The following PTPRN2 variants were observed in gnomAD, a reference collection of about 807,000 sequenced individuals.
PTPRN2 encodes the protein protein tyrosine phosphatase receptor type N2, also known as receptor-type tyrosine-protein phosphatase N2.
Under a neutral mutation model 118.8 loss-of-function variants are expected in PTPRN2, and 74 were observed. The ratio of observed to expected loss-of-function variants is 0.62; its 90% CI spans 0.52 to 0.76. The LOEUF is 0.76. Ranked by LOEUF, PTPRN2 falls within the 30% of genes least tolerant of loss-of-function variation. The pLI is 0.00. For synonymous variants in PTPRN2, 641 were observed against 608.0 expected (o/e 1.05, Z -0.80); for missense variants, 1,481 against 1,394.4 (o/e 1.06, Z -0.99).
chr7:157,586,231 A>G (rs1328753560), intron 17 of PTPRN2, among the ~76,000 whole-genome samples: 2 of 152,140 alleles, frequency 1.3e-5, no homozygotes, highest in African/African-American at 2.4e-5. Context: ...CACAACTCTC[A>G]TGCTTCCCTT....
intron 2 of PTPRN2, among the ~76,000 whole-genome samples, chr7:158,349,990 G>T (rs1807808201): frequency 6.6e-6 from 1 of 152,142 alleles, no homozygotes; most frequent in Non-Finnish European, 1.5e-5. Flanking sequence ...TGCAGACTAG[G>T]TCACAGGATA....
At chr7:157,752,653 G>A (rs1228268679) in intron 12 of PTPRN2, among the ~76,000 whole-genome samples, 3 of 152,170 alleles carry the variant, frequency 2.0e-5, no homozygotes, top group Non-Finnish European at 2.9e-5. Flanking sequence ...CCACCTCCAG[G>A]TACAGAGGCC....
intron 6 of PTPRN2, among the ~76,000 whole-genome samples, chr7:158,147,794 C>A (rs1402205500): frequency 2.6e-5 from 3 of 117,548 alleles, no homozygotes; most frequent in African/African-American, 3.7e-5. Flanking sequence ...CCCTCACTGA[C>A]ACCCCATTTC....
At chr7:157,982,410 A>G (rs542361914) in intron 11 of PTPRN2, among the ~76,000 whole-genome samples, 6 of 132,048 alleles carry the variant, frequency 4.5e-5, no homozygotes, top group African/African-American at 1.4e-4. Context: ...TCCCCCCTAA[A>G]CCCCAAGTCA....
chr7:158,227,101 G>C (rs1313697210), intron 3 of PTPRN2, among the ~76,000 whole-genome samples: 1 of 152,110 alleles, frequency 6.6e-6, no homozygotes, highest in African/African-American at 2.4e-5. Context: ...AGTGCACTGT[G>C]CGTGGATAAA....
intron 12 of PTPRN2, among the ~76,000 whole-genome samples, chr7:157,859,747 C>T (rs866564247): frequency 5.4e-5 from 5 of 93,200 alleles, no homozygotes; most frequent in Non-Finnish European, 8.6e-5. Context: ...AGAGCCCCGG[C>T]CACCACCCAC....
chr7:157,548,235 A>C (rs561376587), intron 22 of PTPRN2, among the ~76,000 whole-genome samples: 1 of 152,156 alleles, frequency 6.6e-6, no homozygotes, highest in African/African-American at 2.4e-5. Context: ...CAACAACAAC[A>C]AACAAACAAC....
chr7:157,685,587 C>G (rs1027291010), intron 12 of PTPRN2, among the ~76,000 whole-genome samples: 1 of 151,936 alleles, frequency 6.6e-6, no homozygotes, highest in African/African-American at 2.4e-5. Flanking sequence ...GGTCTGCGGG[C>G]GGCAGGAGGG....
chr7:157,707,960 C>CA lies in PTPRN2; in HGVS notation c.1789-25024dup, dbSNP rs1246395259. Among the ~76,000 whole-genome samples, 7 of 152,378 alleles carry CA rather than the reference C, an allele frequency of 4.6e-5. 1 individual carries two copies. The East Asian group carries it at 1.4e-3, about 29-fold the overall frequency. ...AGTTAACATTTCTAGTTTTAACTCTCAAAAATAAAGTCCTTGTGGATTTTA... is the reference window on the plus strand; with the variant it reads ...AGTTAACATTTCTAGTTTTAACTCTCAAAAAATAAAGTCCTTGTGGATTTTA... On this transcript the variant is annotated intron_variant, in intron 12 of 22. Coordinates refer to ENST00000389418, the MANE Select transcript of PTPRN2 (RefSeq NM_002847.5).
At chr7:157,569,650 ATT>A (rs1799663537) in intron 20 of PTPRN2, among the ~76,000 whole-genome samples, 1 of 152,194 alleles carries the variant, frequency 6.6e-6, no homozygotes, top group South Asian at 2.1e-4. Flanking sequence ...AGGAAAAAAA[ATT>A]TCCCTTTTTT....
At chr7:157,829,710 C>T (rs1006215650) in intron 12 of PTPRN2, among the ~76,000 whole-genome samples, 9 of 152,306 alleles carry the variant, frequency 5.9e-5, no homozygotes, top group Admixed American at 3.9e-4. Context: ...CAAGTGGCTG[C>T]CCCAGCACCA....
intron 2 of PTPRN2, among the ~76,000 whole-genome samples, chr7:158,409,079 C>T (rs781315070): frequency 7.9e-5 from 12 of 152,064 alleles, no homozygotes; most frequent in Non-Finnish European, 1.5e-4. Context: ...ATATCATTTT[C>T]GTAACACCCT....
At chr7:158,092,270 A>G (rs1814251708) in intron 10 of PTPRN2, among the ~76,000 whole-genome samples, 1 of 136,044 alleles carries the variant, frequency 7.4e-6, no homozygotes, top group Non-Finnish European at 1.5e-5. Flanking sequence ...ATATATATAC[A>G]TATATGTGTG....
rs1351773819 is a variant in PTPRN2, at chr7:157,831,440, A to G, written c.1788+67233T>C. On this transcript the variant is annotated intron_variant, in intron 12 of 22. Transcript: ENST00000389418. The surrounding 1 kb of genome is among the most constrained non-coding windows in gnomAD (Gnocchi z 4.8). ...TTCTGTGTCCAGGGAAGAGCAGGGC[A>G]GGGCTGGGTGCATTTGGAGTTGCCC... 6.6e-6 allele frequency among the ~76,000 whole-genome samples: 1 copy of G among 152,186 alleles called. No individual in the cohort carries two copies. The highest frequency in any genetic ancestry group is 1.5e-5 in the Non-Finnish European group (1 of 68,032).
At chr7:158,051,869 G>C (rs1243770996) in intron 11 of PTPRN2, among the ~76,000 whole-genome samples, 1 of 152,208 alleles carries the variant, frequency 6.6e-6, no homozygotes, top group African/African-American at 2.4e-5. Flanking sequence ...TGCAGGCTTG[G>C]CCAGCTCGAA....
Position 158,277,273 on chromosome 7 carries a change from G to A in PTPRN2, c.277+39546C>T, listed in dbSNP as rs73746463. 2.2e-4 allele frequency among the ~76,000 whole-genome samples: 33 copies of A among 152,262 alleles called. No individual in the cohort carries two copies. In the East Asian group the frequency reaches 4.4e-3, roughly 21 times the overall value. ...GTGCGAATCGGCCTCCAGCCTCCTC[G>A]GGGTCCTGCCCACTCTGTTCGCCAT... On this transcript the variant is annotated intron_variant, in intron 3 of 22. Coordinates refer to ENST00000389418, the MANE Select transcript of PTPRN2 (RefSeq NM_002847.5).
rs979678231 is a variant in PTPRN2 at position 157,868,168 on chromosome 7, G to C, written c.1788+30505C>G. On this transcript the variant is annotated intron_variant, in intron 12 of 22. Coordinates refer to ENST00000389418, the MANE Select transcript of PTPRN2 (RefSeq NM_002847.5). The surrounding 1 kb of genome is among the most constrained non-coding windows in gnomAD (Gnocchi z 5.2). Reference sequence around the variant, plus strand: ...TCCAGACACAGTTATCCTAAGGCCAGGCACAGGAAGGGTTCCTTTCCCGAT... The same window carrying C: ...TCCAGACACAGTTATCCTAAGGCCACGCACAGGAAGGGTTCCTTTCCCGAT... Among the ~76,000 whole-genome samples, 1 of 152,230 alleles carries C rather than the reference G, an allele frequency of 6.6e-6. No individual in the cohort carries two copies. Among genetic ancestry groups the C allele is most frequent in the Non-Finnish European group, 1.5e-5 (1 of 68,044 alleles).
intron 17 of PTPRN2, among the ~76,000 whole-genome samples, chr7:157,586,658 G>A (rs1048948143): frequency 2.0e-5 from 3 of 151,860 alleles, no homozygotes; most frequent in Non-Finnish European, 2.9e-5. Flanking sequence ...CGTCTGTCCT[G>A]GAGACTCAGG....
chr7:158,483,005 C>T lies in PTPRN2; in HGVS notation c.163+6730G>A, dbSNP rs541960958. Among the ~76,000 whole-genome samples, 290 of 152,304 alleles carry T rather than the reference C, an allele frequency of 1.9e-3. 1 individual carries two copies. Among genetic ancestry groups the T allele is most frequent in the African/African-American group, 6.8e-3 (281 of 41,568 alleles). On this transcript the variant is annotated intron_variant, in intron 2 of 22. Transcript: ENST00000389418. ...GCCCAGAGGGGAATGTCCTTATCTC[C>T]GAAGACACAGAAGCAGCTAGAAGAC... is the stretch of plus-strand genomic sequence containing the variant.
Sources: gnomAD v4.1 joint callset for allele counts (sites outside exome capture counted in the v4.1 genomes callset) on GRCh38, gnomAD v4.1.1 for gene constraint, Gnocchi (gnomAD v3.1) non-coding constraint, MANE v1.5 for transcripts, NCBI Gene and HGNC (gene_info 2026-07-23, HGNC 2026-07-21) for gene names.